SPMIP3: variants seen among roughly 807,000 people sequenced by gnomAD.
SPMIP3 encodes the protein protein SPMIP3.
At chr1:244,355,472 C>T in the SPMIP3 span, among the ~76,000 whole-genome samples, 4 of 151,776 alleles carry the variant, frequency 2.6e-5, no homozygotes, top group Non-Finnish European at 4.4e-5. Flanking sequence ...ACTGCAACCT[C>T]TGCCTCCCGG....
the SPMIP3 span, among the ~76,000 whole-genome samples, chr1:244,361,021 A>T: frequency 6.6e-6 from 1 of 152,176 alleles, no homozygotes; most frequent in Non-Finnish European, 1.5e-5. Context: ...CTTGAAAAAA[A>T]ATTGAACTTG....
chr1:244,381,177 G>A, the SPMIP3 span, among the ~76,000 whole-genome samples: 1 of 151,914 alleles, frequency 6.6e-6, no homozygotes, highest in Non-Finnish European at 1.5e-5. Flanking sequence ...GGCAGTAGAA[G>A]TTGCTGGGGG....
the SPMIP3 span, among the ~76,000 whole-genome samples, chr1:244,362,041 A>G: frequency 6.6e-6 from 1 of 152,190 alleles, no homozygotes; most frequent in African/African-American, 2.4e-5. Context: ...AAATAATCAC[A>G]GCAGTAAAAG....
At chr1:244,374,711 C>T in the SPMIP3 span, among the ~76,000 whole-genome samples, 7 of 150,338 alleles carry the variant, frequency 4.7e-5, no homozygotes, top group Admixed American at 2.0e-4. Context: ...ATTCTCCTGG[C>T]GCAGCCTTCC....
chr1:244,361,235 C>CTTTTTTTTTTTTTTTTTTTTTTTTTT, the SPMIP3 span, among the ~76,000 whole-genome samples: 175 of 119,282 alleles, frequency 1.5e-3, 1 homozygote, highest in Non-Finnish European at 2.1e-3. Context: ...TTCTTTCTTT[C>CTTTTTTTTTTTTTTTTTTTTTTTTTT]TTTTTTTTTT....
At chr1:244,367,395 C>A in the SPMIP3 span, among the ~76,000 whole-genome samples, 1 of 152,128 alleles carries the variant, frequency 6.6e-6, no homozygotes, top group African/African-American at 2.4e-5. Flanking sequence ...CAATGGTGAG[C>A]TGGACCAAGG....
chr1:244,364,252 C>T, the SPMIP3 span, among the ~76,000 whole-genome samples: 1 of 151,918 alleles, frequency 6.6e-6, no homozygotes, highest in Non-Finnish European at 1.5e-5. Flanking sequence ...CTACAGGCGC[C>T]CGCCACCAGG....
At chr1:244,379,376 ATTC>A in the SPMIP3 span, among the ~76,000 whole-genome samples, 1 of 151,486 alleles carries the variant, frequency 6.6e-6, no homozygotes, top group African/African-American at 2.4e-5. Flanking sequence ...TAATTGTTTA[ATTC>A]TTTTTTATAG....
At chr1:244,376,804 C>T in the SPMIP3 span, among the ~76,000 whole-genome samples, 2 of 151,860 alleles carry the variant, frequency 1.3e-5, no homozygotes, top group Non-Finnish European at 2.9e-5. Context: ...TAATCCTATA[C>T]TACAGCATCC....
the SPMIP3 span, among the ~76,000 whole-genome samples, chr1:244,374,070 G>GCACA: frequency 6.4e-4 from 98 of 152,150 alleles, no homozygotes; most frequent in Middle Eastern, 0.027. Flanking sequence ...CTGAGATTGG[G>GCACA]CCACTGCACT....
chr1:244,385,595 C>A, the SPMIP3 span, among the ~76,000 whole-genome samples: 12 of 152,084 alleles, frequency 7.9e-5, no homozygotes, highest in Non-Finnish European at 1.8e-4. Context: ...GGCTCTCTGA[C>A]CCTCAATATT....
chr1:244,370,255 A>C, the SPMIP3 span, among the ~76,000 whole-genome samples: 5 of 152,142 alleles, frequency 3.3e-5, no homozygotes, highest in East Asian at 9.6e-4. Context: ...CATTTTACTG[A>C]TGAGGAAACT....
the SPMIP3 span, chr1:244,375,369 T>C: frequency 1.9e-6 from 3 of 1,611,366 alleles, no homozygotes; most frequent in African/African-American, 1.3e-5. Context: ...CTTTCTGCTC[T>C]AGTATATTCA....
chr1:244,374,084 G>A, the SPMIP3 span, among the ~76,000 whole-genome samples: 1 of 152,144 alleles, frequency 6.6e-6, no homozygotes, highest in Non-Finnish European at 1.5e-5. Context: ...CTGCACTCCA[G>A]CCTGGGCGAC....
chr1:244,378,525 G>C, the SPMIP3 span: 7,551 of 1,613,838 alleles, frequency 4.7e-3, 22 homozygotes, highest in Middle Eastern at 6.1e-3. Context: ...GCCTCAATTA[G>C]ACCAACAAAC....
chr1:244,355,122 C>T, the SPMIP3 span, among the ~76,000 whole-genome samples: 2 of 152,166 alleles, frequency 1.3e-5, no homozygotes, highest in African/African-American at 4.8e-5. Context: ...GTGGAAGGGG[C>T]TTGAGCCTTG....
chr1:244,363,773 C>G, the SPMIP3 span, among the ~76,000 whole-genome samples: 1 of 152,182 alleles, frequency 6.6e-6, no homozygotes, highest in African/African-American at 2.4e-5. Context: ...CTTGAATGCC[C>G]CAAAGCTGGA....
chr1:244,354,892 G>C, the SPMIP3 span, among the ~76,000 whole-genome samples: 1 of 152,180 alleles, frequency 6.6e-6, no homozygotes, highest in Non-Finnish European at 1.5e-5. Context: ...GGTATGAAAG[G>C]ATTGTGTTTT....
the SPMIP3 span, among the ~76,000 whole-genome samples, chr1:244,368,378 C>T: frequency 6.6e-6 from 1 of 152,250 alleles, no homozygotes; most frequent in South Asian, 2.1e-4. Context: ...CTCCTTTAAC[C>T]TTCACTACTG....
Sources: allele counts gnomAD v4.1 joint callset (sites outside exome capture counted in the v4.1 genomes callset), GRCh38; gene constraint gnomAD v4.1.1; transcripts MANE v1.5; gene names NCBI Gene and HGNC (gene_info 2026-07-23, HGNC 2026-07-21).